Variants in ASPG observed in about 807,000 individuals in gnomAD.
The protein encoded by ASPG is 60 kDa lysophospholipase.
ASPG carries 53 observed loss-of-function variants against 63.2 expected under a neutral mutation model. That is an observed-to-expected ratio of 0.84 (90% CI 0.67 to 1.05). The LOEUF (loss-of-function observed/expected upper bound fraction) is 1.05. Ranked by LOEUF, ASPG falls within the 50% of genes least tolerant of loss-of-function variation. The pLI is 0.00. For missense variants in ASPG, 741 were observed against 794.4 expected (o/e 0.93, Z 0.81); for synonymous variants, 370 against 355.0 (o/e 1.04, Z -0.48).
At chr14:104,097,503 C>T in intron 4 of ASPG, 51 bp from the exon 5 acceptor site, 1 of 1,515,724 alleles carries the variant, frequency 6.6e-7, no homozygotes, top group Admixed American at 2.0e-5. Context: ...GCCAGACATC[C>T]CAGGCTTCTG....
At chr14:104,103,850 G>C (rs930056116) in intron 7 of ASPG, among the ~76,000 whole-genome samples, 175 bp downstream of exon 7, 34 of 152,370 alleles carry the variant, frequency 2.2e-4, no homozygotes, top group African/African-American at 7.7e-4. Context: ...CCTCCGTCGT[G>C]GTGCTTTCCA....
chr14:104,101,548 C>T (rs369139758), intron 6 of ASPG, among the ~76,000 whole-genome samples: 8 of 152,108 alleles, frequency 5.3e-5, no homozygotes, highest in African/African-American at 1.9e-4. Context: ...ACCACACTGT[C>T]ACCCCCAGGC....
At chr14:104,095,271 C>G (rs902121813) in intron 3 of ASPG, among the ~76,000 whole-genome samples, 5 of 152,202 alleles carry the variant, frequency 3.3e-5, no homozygotes, top group South Asian at 2.1e-4. Context: ...TGGAGGGACT[C>G]ATTCTCGAGT....
In ASPG at chr14:104,098,099, C is replaced by A. The variant is rs4018037; in HGVS notation, c.513+462C>A. Among the ~76,000 whole-genome samples the A allele has an allele frequency of 7.2e-3, 179 of 24,804 alleles. 22 individuals carry two copies. The highest frequency in any genetic ancestry group is 0.03 in the African/African-American group (56 of 1,858). The allele number at this position is 24,804 out of a possible 152,430, so 16.3% of individuals were successfully genotyped here. A position where few individuals can be genotyped will look rare whatever the true frequency, so the allele number is the denominator to read the frequency against. ...TGCGTTAGAGATGCGTATGGAGGTT[C>A]TGCGTTAGAGATGCGTATGGAGGTT... is the stretch of plus-strand genomic sequence containing the variant. On this transcript the variant is annotated intron_variant, in intron 5 of 15. Coordinates refer to ENST00000551177, the MANE Select transcript of ASPG (RefSeq NM_001080464.3).
chr14:104,096,749 T>C (rs903464953), intron 4 of ASPG, among the ~76,000 whole-genome samples: 1 of 152,182 alleles, frequency 6.6e-6, no homozygotes, highest in Non-Finnish European at 1.5e-5. Flanking sequence ...GTGGGGAAAC[T>C]GAGGCTTACA....
rs980727392 is a variant in ASPG, at chr14:104,104,336, C to T, written c.786C>T (p.Gly262=). 56 of 1,612,516 alleles carry T rather than the reference C, an allele frequency of 3.5e-5. 1 individual carries two copies. Among genetic ancestry groups the T allele is most frequent in the Middle Eastern group, 3.3e-4 (2 of 6,054 alleles). ...CCTTCTTGCAGCCTCCCCTGAAGGG[C>T]GTGGTCATGGAGACCTTCGGTTCAG... is the stretch of plus-strand genomic sequence containing the variant. ...VRAFLQPPLK[G]VVMETFGSGN... Residue 262 remains glycine, a synonymous_variant, in exon 8 of 16, where the codon GGC becomes GGT. Coordinates refer to ENST00000551177, the MANE Select transcript of ASPG (RefSeq NM_001080464.3).
chr14:104,085,928 C>T (rs1439165044), intron 1 of ASPG, 76 bp downstream of exon 1: 5 of 1,378,150 alleles, frequency 3.6e-6, no homozygotes, highest in Admixed American at 2.6e-5. Context: ...CCTGCACCCA[C>T]GGGGGTCGTT....
intron 8 of ASPG, 59 bp from the exon 9 acceptor site, chr14:104,104,563 C>T: frequency 6.3e-7 from 1 of 1,587,084 alleles, no homozygotes; most frequent in Non-Finnish European, 8.6e-7. Flanking sequence ...TGACCCACCC[C>T]TCATGGGCTG....
intron 1 of ASPG, among the ~76,000 whole-genome samples, chr14:104,086,088 T>A (rs1282350303): frequency 6.6e-6 from 1 of 152,076 alleles, no homozygotes; most frequent in Non-Finnish European, 1.5e-5. Flanking sequence ...GGGAGCGCCC[T>A]GCGACCCTGG....
intron 6 of ASPG, among the ~76,000 whole-genome samples, chr14:104,102,243 G>C (rs577310212): frequency 6.6e-6 from 1 of 152,210 alleles, no homozygotes; most frequent in African/African-American, 2.4e-5. Context: ...GGCTCTGGTG[G>C]GGGTGGAAGA....
At chr14:104,093,027 C>T (rs918105231) in intron 2 of ASPG, 1 of 511,000 alleles carries the variant, frequency 2.0e-6, no homozygotes, top group African/African-American at 1.9e-5. Context: ...TCTAGGGATC[C>T]TGTATATCAG....
rs780293619 is a variant in ASPG, at chr14:104,112,563, C to CCT, written c.*19_*20insCT. On this transcript the variant is annotated 3_prime_UTR_variant, in exon 16 of 16. Coordinates refer to ENST00000551177, the MANE Select transcript of ASPG (RefSeq NM_001080464.3). ...TGTCTAACCTGAAGGCGTCCTGCTG[C>CCT]AGTATAAGCCATTCCTTCCTCCCAT... 6.2e-7 allele frequency: 1 copy of CCT among 1,607,398 alleles called. No homozygotes were observed. Among genetic ancestry groups the CCT allele is most frequent in the Non-Finnish European group, 8.5e-7 (1 of 1,176,250 alleles).
chr14:104,104,232 G>A (rs930189101), intron 7 of ASPG, 72 bp from the exon 8 acceptor site: 5 of 1,494,832 alleles, frequency 3.3e-6, no homozygotes, highest in African/African-American at 2.8e-5. Context: ...CCTTGGGAGG[G>A]CATGGGGCGA....
intron 3 of ASPG, among the ~76,000 whole-genome samples, chr14:104,093,985 G>A (rs1331857005): frequency 6.6e-6 from 1 of 151,900 alleles, no homozygotes; most frequent in Non-Finnish European, 1.5e-5. Flanking sequence ...ATGGGCAGTG[G>A]CCGGCAGAAA....
chr14:104,101,334 C>T (rs1262056968), intron 6 of ASPG, among the ~76,000 whole-genome samples: 2 of 152,168 alleles, frequency 1.3e-5, no homozygotes, highest in Non-Finnish European at 2.9e-5. Flanking sequence ...GGCCTGGGCC[C>T]GGGTGCCAGC....
Position 104,104,494 on chromosome 14 carries a change from C to T in ASPG, c.936+8C>T, listed in dbSNP as rs369004171. The T allele has an allele frequency of 3.7e-5, 60 of 1,610,750 alleles. No homozygotes were observed. The highest frequency in any genetic ancestry group is 1.6e-4 in the South Asian group (15 of 90,928). The stretch of plus-strand genomic sequence containing the variant: ...GACTATGCAGCTGGCATGGTAGTGC[C>T]GGGAGATCAGGGCCTAGCGGGGAAG... On this transcript the variant is annotated splice_region_variant and intron_variant, in intron 8 of 15. Coordinates refer to ENST00000551177, the MANE Select transcript of ASPG (RefSeq NM_001080464.3).
Position 104,091,542 on chromosome 14 carries a change from A to G in ASPG, c.83-1091A>G, listed in dbSNP as rs749939243. Among the ~76,000 whole-genome samples, 6 of 152,122 alleles carry G rather than the reference A, an allele frequency of 3.9e-5. No homozygotes were observed. The highest frequency in any genetic ancestry group is 8.8e-5 in the Non-Finnish European group (6 of 68,024). Reference sequence around the variant, plus strand: ...AGGCCAGAGGAGGATCACGGGTGCCATAAACCTTCACGGGGCCAAGGGCTG... The same window carrying G: ...AGGCCAGAGGAGGATCACGGGTGCCGTAAACCTTCACGGGGCCAAGGGCTG... On this transcript the variant is annotated intron_variant, in intron 1 of 15. Coordinates refer to ENST00000551177, the MANE Select transcript of ASPG (RefSeq NM_001080464.3). The surrounding 1 kb of genome is among the most constrained non-coding windows in gnomAD (Gnocchi z 6.4).
rs558030093 is a variant in ASPG at position 104,104,415 on chromosome 14, C to T, written c.865C>T (p.Arg289Cys). 17 of 1,612,476 alleles carry T rather than the reference C, an allele frequency of 1.1e-5. No homozygotes were observed. Among genetic ancestry groups the T allele is most frequent in the South Asian group, 3.3e-5 (3 of 91,074 alleles). Residue 289 changes from arginine to cysteine, a missense_variant, in exon 8 of 16, where the codon CGC becomes TGC. Physicochemically the swap from Arg to Cys is radical, Grantham distance 180. Transcript: ENST00000551177. ...LLQELRVATE[R>C]GLVIVNCTHC... Reference sequence around the variant, plus strand: ...GCAGGAGCTGCGGGTGGCCACCGAGCGCGGCCTGGTCATCGTCAACTGTAC... The same window carrying T: ...GCAGGAGCTGCGGGTGGCCACCGAGTGCGGCCTGGTCATCGTCAACTGTAC...
rs1016973154 is a variant in ASPG, at chr14:104,104,638, G to A, written c.953G>A (p.Gly318Asp). 2.5e-6 allele frequency: 4 copies of A among 1,609,780 alleles called. No individual in the cohort carries two copies. The African/African-American group carries it at 4.0e-5, about 16-fold the overall frequency. The change falls in exon 9 of 16, where the codon GGC (glycine) becomes GAC (aspartate). Residue 318 changes from glycine (G) to aspartate (D), a missense_variant. Coordinates refer to ENST00000551177, the MANE Select transcript of ASPG (RefSeq NM_001080464.3). ...YAAGMAMAGA[G>D]VISGFDMTSE... The stretch of plus-strand genomic sequence containing the variant: ...TCCTCACAGGCCATGGCGGGAGCCG[G>A]CGTCATCTCAGGCTTCGACATGACA...
Sources: gnomAD v4.1 joint callset for allele counts (sites outside exome capture counted in the v4.1 genomes callset) on GRCh38, gnomAD v4.1.1 for gene constraint, Gnocchi (gnomAD v3.1) non-coding constraint, MANE v1.5 for transcripts, NCBI Gene and HGNC (gene_info 2026-07-23, HGNC 2026-07-21) for gene names.